The following ZDHHC14 variants were observed in gnomAD, a reference collection of about 807,000 sequenced individuals.
ZDHHC14 encodes zDHHC palmitoyltransferase 14.
A neutral mutation model predicts 47.7 loss-of-function variants in ZDHHC14; 16 were observed. The ratio of observed to expected loss-of-function variants is 0.34; its 90% CI spans 0.23 to 0.51. The LOEUF (loss-of-function observed/expected upper bound fraction) is 0.51, where lower values mean the gene tolerates loss of function less well. Ranked by LOEUF, ZDHHC14 falls within the 20% of genes least tolerant of loss-of-function variation. The pLI is 0.97. For synonymous variants in ZDHHC14, 293 were observed against 278.9 expected (o/e 1.05, Z -0.50); for missense variants, 515 against 662.5 (o/e 0.78, Z 2.44).
At chr6:157,528,857 G>A (rs192868933) in intron 1 of ZDHHC14, among the ~76,000 whole-genome samples, 63 of 144,492 alleles carry the variant, frequency 4.4e-4, no homozygotes, top group African/African-American at 1.4e-3. Context: ...GGTGGGAGTG[G>A]GCATTAATTA....
intron 7 of ZDHHC14, among the ~76,000 whole-genome samples, chr6:157,648,871 C>T (rs894604166): frequency 6.6e-6 from 1 of 152,202 alleles, no homozygotes; most frequent in African/African-American, 2.4e-5. Flanking sequence ...CAGTAAGAGC[C>T]AGGGAGAGCT....
chr6:157,657,248 A>G (rs140026366), intron 8 of ZDHHC14, among the ~76,000 whole-genome samples: 1 of 151,996 alleles, frequency 6.6e-6, no homozygotes, highest in Non-Finnish European at 1.5e-5. Flanking sequence ...CAGTTTTGCC[A>G]TGTTGCCCAG....
At chr6:157,519,270 T>G (rs1780823973) in intron 1 of ZDHHC14, among the ~76,000 whole-genome samples, 1 of 152,226 alleles carries the variant, frequency 6.6e-6, no homozygotes, top group African/African-American at 2.4e-5. Context: ...GAGAGATAAG[T>G]GAAGCTTGAT....
chr6:157,416,905 C>T (rs1244311590), intron 1 of ZDHHC14, among the ~76,000 whole-genome samples: 1 of 143,554 alleles, frequency 7.0e-6, no homozygotes, highest in Admixed American at 7.2e-5. Flanking sequence ...CTCCCGAGTT[C>T]AAGCGATTCT....
At chr6:157,630,733 TTA>T (rs1785664805) in intron 4 of ZDHHC14, 1 of 125,212 alleles carries the variant, frequency 8.0e-6, no homozygotes, top group East Asian at 2.3e-4. Context: ...ACACACCGCC[TTA>T]CACACACATA....
chr6:157,479,586 C>A (rs1299519757), intron 1 of ZDHHC14, among the ~76,000 whole-genome samples: 2 of 152,228 alleles, frequency 1.3e-5, no homozygotes, highest in Non-Finnish European at 2.9e-5. Context: ...ACCTCGTTAG[C>A]CATCGCTTTT....
chr6:157,382,146 T>C lies in ZDHHC14; in HGVS notation c.125T>C (p.Val42Ala). ...ATCGCGGCCCGGAGGAAATGGGAGG[T>C]GTTCCCGGGAAGAAACAAGTTCTTC... is the stretch of plus-strand genomic sequence containing the variant. ...KKIAARRKWEVFPGRNKFFCN... is the reference protein window; with the variant it reads ...KKIAARRKWEAFPGRNKFFCN... The change falls in exon 1 of 9, where the codon GTG (valine) becomes GCG (alanine). Residue 42 changes from valine (V) to alanine (A), a missense_variant. Physicochemically the swap from Val to Ala is moderately conservative, Grantham distance 64. Transcript: ENST00000359775. The C allele has an allele frequency of 6.2e-7, 1 of 1,612,394 alleles. No individual in the cohort carries two copies. The highest frequency in any genetic ancestry group is 8.5e-7 in the Non-Finnish European group (1 of 1,179,438).
chr6:157,594,029 C>T (rs1582991815), intron 3 of ZDHHC14, among the ~76,000 whole-genome samples: 2 of 152,360 alleles, frequency 1.3e-5, no homozygotes, highest in Non-Finnish European at 2.9e-5. Context: ...AATGGAAACC[C>T]TGTTACCTCG....
At chr6:157,610,921 A>G (rs958418911) in intron 3 of ZDHHC14, among the ~76,000 whole-genome samples, 2 of 152,248 alleles carry the variant, frequency 1.3e-5, no homozygotes, top group Non-Finnish European at 2.9e-5. Context: ...AAGCAGAATC[A>G]CTGCCTGGTC....
chr6:157,671,365 A>G (rs1229926975), intron 8 of ZDHHC14, among the ~76,000 whole-genome samples: 2 of 152,104 alleles, frequency 1.3e-5, no homozygotes, highest in African/African-American at 4.8e-5. Context: ...GGCTCATTCT[A>G]AGAACTCCTG....
intron 1 of ZDHHC14, among the ~76,000 whole-genome samples, chr6:157,421,886 G>A (rs1375113633): frequency 3.3e-5 from 5 of 152,136 alleles, no homozygotes; most frequent in Admixed American, 6.5e-5. Flanking sequence ...GGGATTACAG[G>A]TGTGAGCCAC....
intron 1 of ZDHHC14, among the ~76,000 whole-genome samples, chr6:157,492,406 G>A (rs1237060002): frequency 6.6e-6 from 1 of 152,022 alleles, no homozygotes; most frequent in South Asian, 2.1e-4. Flanking sequence ...AGCCACCACC[G>A]GAAATCAGGA....
At chr6:157,475,896 C>G (rs1779469454) in intron 1 of ZDHHC14, among the ~76,000 whole-genome samples, 1 of 152,076 alleles carries the variant, frequency 6.6e-6, no homozygotes, top group Non-Finnish European at 1.5e-5. Flanking sequence ...TTAAAAATAT[C>G]TTGAGACAAA....
At chr6:157,659,759 C>G (rs556296840) in intron 8 of ZDHHC14, among the ~76,000 whole-genome samples, 1 of 152,218 alleles carries the variant, frequency 6.6e-6, no homozygotes, top group Non-Finnish European at 1.5e-5. Context: ...CCAAGCAATC[C>G]GTCGTCTTCC....
intron 1 of ZDHHC14, among the ~76,000 whole-genome samples, chr6:157,493,337 G>A (rs1466798257): frequency 4.6e-5 from 7 of 152,362 alleles, no homozygotes; most frequent in South Asian, 2.1e-4. Context: ...CGAGCGGGAC[G>A]GTCTGAGGGC....
intron 2 of ZDHHC14, among the ~76,000 whole-genome samples, chr6:157,543,962 A>AT (rs994131698): frequency 6.6e-6 from 1 of 152,252 alleles, no homozygotes; most frequent in South Asian, 2.1e-4. Flanking sequence ...CTATCACTGC[A>AT]TTTTTTTCCA....
At chr6:157,523,693 C>A (rs1455604917) in intron 1 of ZDHHC14, among the ~76,000 whole-genome samples, 2 of 149,730 alleles carry the variant, frequency 1.3e-5, no homozygotes, top group Non-Finnish European at 3.0e-5. Context: ...CCCAGGAGTT[C>A]GAGACCAGTC....
chr6:157,542,564 G>T, intron 1 of ZDHHC14, 21 bp from the exon 2 acceptor site: 2 of 1,610,368 alleles, frequency 1.2e-6, no homozygotes, highest in South Asian at 2.2e-5. Flanking sequence ...CTTCTCTCCG[G>T]TCTGTCCAAC....
intron 2 of ZDHHC14, 118 bp from the exon 3 acceptor site, chr6:157,592,869 CG>C: frequency 1.3e-6 from 2 of 1,493,046 alleles, no homozygotes; most frequent in African/African-American, 1.4e-5. Context: ...CCGTGGGCAC[CG>C]GGGGCCCTGC....
Sources: gnomAD v4.1 joint callset for allele counts (sites outside exome capture counted in the v4.1 genomes callset) on GRCh38, gnomAD v4.1.1 for gene constraint, MANE v1.5 for transcripts, NCBI Gene and HGNC (gene_info 2026-07-23, HGNC 2026-07-21) for gene names.